ARHGEF28: variants seen among roughly 807,000 people sequenced by gnomAD.
ARHGEF28 encodes the protein Rho guanine nucleotide exchange factor 28, also known as 190 kDa guanine nucleotide exchange factor.
In ARHGEF28, 152 loss-of-function variants were observed where a neutral mutation model predicts 206.6. The ratio of observed to expected loss-of-function variants is 0.74; its 90% CI spans 0.64 to 0.84. ARHGEF28 has a LOEUF of 0.84. Among genes scored for constraint, ARHGEF28 ranks in the 40% least tolerant of loss-of-function variants. The pLI is 0.00. For synonymous variants in ARHGEF28, 763 were observed against 776.4 expected, an observed-to-expected ratio of 0.98 and a Z score of 0.29; for missense variants, 2,028 against 2,073.2, an observed-to-expected ratio of 0.98 and a Z score of 0.42.
At chr5:73,750,366 A>G (rs949589422) in intron 3 of ARHGEF28, among the ~76,000 whole-genome samples, 1 of 151,988 alleles carries the variant, frequency 6.6e-6, no homozygotes, top group African/African-American at 2.4e-5. Context: ...GACATTGACA[A>G]AGTTTGTCTT....
At chr5:73,647,841 T>C (rs1346090573) in intron 1 of ARHGEF28, among the ~76,000 whole-genome samples, 2 of 152,262 alleles carry the variant, frequency 1.3e-5, no homozygotes, top group East Asian at 3.8e-4. Context: ...TTGATCCTAC[T>C]ACTTGATGTT....
intron 2 of ARHGEF28, among the ~76,000 whole-genome samples, chr5:73,739,507 TATA>T (rs1461683318): frequency 2.0e-5 from 3 of 151,760 alleles, no homozygotes; most frequent in African/African-American, 7.3e-5. Context: ...AAAGCAAAAA[TATA>T]AGAGAGAAAT....
intron 1 of ARHGEF28, among the ~76,000 whole-genome samples, chr5:73,676,972 T>C (rs992013794): frequency 6.6e-6 from 1 of 152,222 alleles, no homozygotes; most frequent in African/African-American, 2.4e-5. Context: ...AAAAATGCCA[T>C]GCTTTAAAAA....
chr5:73,730,533 GATTTTT>G, intron 2 of ARHGEF28, among the ~76,000 whole-genome samples: 1 of 139,652 alleles, frequency 7.2e-6, no homozygotes, highest in African/African-American at 2.8e-5. Flanking sequence ...CCATAAGGAG[GATTTTT>G]TTTTTTTTTT....
chr5:73,685,043 C>G (rs1253137834), intron 2 of ARHGEF28, among the ~76,000 whole-genome samples, 159 bp downstream of exon 2: 1 of 152,130 alleles, frequency 6.6e-6, no homozygotes, highest in Admixed American at 6.5e-5. Flanking sequence ...TTGCATGGAG[C>G]GTTTTAAAAC....
intron 2 of ARHGEF28, among the ~76,000 whole-genome samples, chr5:73,705,237 C>G (rs1456864996): frequency 6.6e-6 from 1 of 152,070 alleles, no homozygotes; most frequent in Non-Finnish European, 1.5e-5. Flanking sequence ...CAGAAGCAAC[C>G]AAGGCAAGCA....
intron 35 of ARHGEF28, among the ~76,000 whole-genome samples, chr5:73,920,610 C>T (rs912886128): frequency 4.5e-5 from 6 of 134,074 alleles, no homozygotes; most frequent in Admixed American, 3.6e-4. Flanking sequence ...ACTGCAGTGG[C>T]GCTATCCCGG....
chr5:73,813,405 G>A (rs1382571674), intron 9 of ARHGEF28: 4 of 1,244,138 alleles, frequency 3.2e-6, no homozygotes, highest in South Asian at 3.4e-5. Context: ...CGGTCTACAC[G>A]CCTGAATGCC....
intron 2 of ARHGEF28, among the ~76,000 whole-genome samples, chr5:73,737,513 T>TTTTCTTTTCTTTTC (rs1491466571): frequency 7.6e-6 from 1 of 130,962 alleles, no homozygotes; most frequent in Non-Finnish European, 1.6e-5. Flanking sequence ...TTTTCTTTTC[T>TTTTCTTTTCTTTTC]TTTCTTTTCT....
intron 21 of ARHGEF28, among the ~76,000 whole-genome samples, chr5:73,872,602 C>T (rs949387339): frequency 1.3e-5 from 2 of 152,076 alleles, no homozygotes; most frequent in Admixed American, 1.3e-4. Context: ...TAATTGTGCT[C>T]CTGCTCAATG....
At chr5:73,752,667 A>C (rs1175883855) in intron 3 of ARHGEF28, among the ~76,000 whole-genome samples, 1 of 152,196 alleles carries the variant, frequency 6.6e-6, no homozygotes, top group East Asian at 1.9e-4. Flanking sequence ...ACAGATGCTC[A>C]AGTGTTCAGA....
At chr5:73,818,135 G>C (rs1756345757) in intron 9 of ARHGEF28, among the ~76,000 whole-genome samples, 1 of 152,092 alleles carries the variant, frequency 6.6e-6, no homozygotes, top group South Asian at 2.1e-4. Context: ...ACTGTGGCCT[G>C]GAAAGTTTAC....
At chr5:73,748,945 A>T (rs945806394) in intron 2 of ARHGEF28, among the ~76,000 whole-genome samples, 2 of 152,110 alleles carry the variant, frequency 1.3e-5, no homozygotes, top group Non-Finnish European at 2.9e-5. Context: ...CGGCTGCTGT[A>T]GCCCCTCCGC....
At chr5:73,845,986 C>CAAAAAAAA (rs57600570) in intron 11 of ARHGEF28, among the ~76,000 whole-genome samples, 19 of 63,714 alleles carry the variant, frequency 3.0e-4, no homozygotes, top group Middle Eastern at 0.01. Context: ...AAAACTGTCT[C>CAAAAAAAA]AAAAAAAAAA....
At chr5:73,741,383 G>GTGTGTGTGTGTA (rs1751407170) in intron 2 of ARHGEF28, among the ~76,000 whole-genome samples, 2 of 18,300 alleles carry the variant, frequency 1.1e-4, no homozygotes, top group African/African-American at 6.0e-4. Context: ...GTGTGTGTGT[G>GTGTGTGTGTGTA]TGTATATATA....
At chr5:73,678,982 G>C (rs1746888855) in intron 1 of ARHGEF28, among the ~76,000 whole-genome samples, 1 of 152,216 alleles carries the variant, frequency 6.6e-6, no homozygotes. Context: ...TACAACTCCT[G>C]GGTTTGGGAG....
chr5:73,715,185 A>G (rs1428052998), intron 2 of ARHGEF28, among the ~76,000 whole-genome samples: 1 of 152,210 alleles, frequency 6.6e-6, no homozygotes, highest in African/African-American at 2.4e-5. Context: ...AAGCTCAGAA[A>G]AGAGATAGGA....
intron 10 of ARHGEF28, among the ~76,000 whole-genome samples, chr5:73,834,904 T>C (rs998367195): frequency 8.5e-5 from 13 of 152,132 alleles, no homozygotes; most frequent in African/African-American, 2.7e-4. Flanking sequence ...TCAGAACATA[T>C]CTACATACTT....
chr5:73,751,855 G>C (rs1030347955), intron 3 of ARHGEF28, among the ~76,000 whole-genome samples: 1 of 151,942 alleles, frequency 6.6e-6, no homozygotes, highest in Non-Finnish European at 1.5e-5. Flanking sequence ...ATATTTCCTG[G>C]GTATGTGTAG....
Sources: allele counts gnomAD v4.1 joint callset (sites outside exome capture counted in the v4.1 genomes callset), GRCh38; gene constraint gnomAD v4.1.1; transcripts MANE v1.5; gene names NCBI Gene and HGNC (gene_info 2026-07-23, HGNC 2026-07-21).